The following FRYL variants were observed in gnomAD, a reference collection of about 807,000 sequenced individuals.
FRYL encodes FRY like transcription coactivator, also known as protein furry homolog-like.
Under a neutral mutation model 351.2 loss-of-function variants are expected in FRYL, and 150 were observed. That is an observed-to-expected ratio of 0.43 (90% CI 0.37 to 0.49). FRYL has a LOEUF of 0.49. Ranked by LOEUF, FRYL falls within the 20% of genes least tolerant of loss-of-function variation. The probability of loss-of-function intolerance (pLI) is 0.00; values close to 1 mark genes in which losing one functional copy is unlikely to be tolerated. For synonymous variants in FRYL, 1,153 were observed against 1,257.1 expected, an observed-to-expected ratio of 0.92 and a Z score of 1.75; for missense variants, 3,036 against 3,619.3, an observed-to-expected ratio of 0.84 and a Z score of 4.13.
chr4:48,521,069 A>AT lies in FRYL; in HGVS notation c.7667dup (p.Asn2556LysfsTer3), dbSNP rs777872803. On this transcript the variant is annotated frameshift_variant, in exon 55 of 64. Coordinates refer to ENST00000358350, the MANE Select transcript of FRYL (RefSeq NM_015030.2). LOFTEE classifies it high-confidence loss of function. ...CCACCTCAGGCAGCCGGCTGTTAGC[A>AT]TTATCTAGAGAAGCCTCCAAAGTTG... 6.2e-7 allele frequency: 1 copy of AT among 1,612,456 alleles called. No homozygotes were observed. The highest frequency in any genetic ancestry group is 8.5e-7 in the Non-Finnish European group (1 of 1,179,242).
intron 40 of FRYL, 75 bp downstream of exon 40, chr4:48,548,615 C>A (rs1731963673): frequency 3.7e-6 from 3 of 814,260 alleles, no homozygotes; most frequent in Non-Finnish European, 6.1e-6. Context: ...CACATAAAAA[C>A]TGTCATAAAA....
chr4:48,704,702 A>G (rs1767121568), intron 2 of FRYL, among the ~76,000 whole-genome samples: 1 of 152,104 alleles, frequency 6.6e-6, no homozygotes, highest in Non-Finnish European at 1.5e-5. Flanking sequence ...TAATCCCAGC[A>G]CTTTGGGAGG....
At chr4:48,734,223 T>G (rs1175837126) in intron 1 of FRYL, among the ~76,000 whole-genome samples, 1 of 152,164 alleles carries the variant, frequency 6.6e-6, no homozygotes, top group Non-Finnish European at 1.5e-5. Flanking sequence ...GAAAGAGATG[T>G]CATGCTAACA....
intron 41 of FRYL, chr4:48,546,483 T>C (rs1731357149): frequency 1.8e-6 from 1 of 570,016 alleles, no homozygotes; most frequent in Admixed American, 3.1e-5. Context: ...GCTTGAAAAC[T>C]TAGCAATTTG....
chr4:48,702,811 T>A (rs915613155), intron 2 of FRYL, among the ~76,000 whole-genome samples: 1 of 151,934 alleles, frequency 6.6e-6, no homozygotes, highest in Admixed American at 6.6e-5. Context: ...CATAATTTCT[T>A]TGTACTCCAA....
chr4:48,610,733 C>T (rs1373680609), intron 7 of FRYL, among the ~76,000 whole-genome samples: 1 of 142,156 alleles, frequency 7.0e-6, no homozygotes, highest in Non-Finnish European at 1.5e-5. Context: ...ATATTATATA[C>T]ATGTATTATA....
intron 3 of FRYL, among the ~76,000 whole-genome samples, chr4:48,665,405 T>C (rs114909025): frequency 2.0e-5 from 3 of 152,296 alleles, no homozygotes; most frequent in African/African-American, 7.2e-5. Flanking sequence ...CTCAAGCTCC[T>C]TTGAAATAGA....
intron 1 of FRYL, among the ~76,000 whole-genome samples, chr4:48,775,975 A>G (rs1172444658): frequency 3.8e-4 from 57 of 151,946 alleles, no homozygotes; most frequent in Admixed American, 3.7e-3. Flanking sequence ...CCCACTCCCA[A>G]TAAATGTAAT....
intron 1 of FRYL, among the ~76,000 whole-genome samples, chr4:48,728,026 C>A (rs1578850219): frequency 6.6e-6 from 1 of 152,302 alleles, no homozygotes; most frequent in African/African-American, 2.4e-5. Flanking sequence ...TTCCTCCACA[C>A]CTTGCCACCA....
At chr4:48,527,913 T>C (rs570407195) in intron 52 of FRYL, 58 bp downstream of exon 52, 2 of 1,308,080 alleles carry the variant, frequency 1.5e-6, no homozygotes, top group East Asian at 4.7e-5. Flanking sequence ...GACAGATCAT[T>C]TCTTCAAGGA....
At chr4:48,659,918 G>GAGAAGAAGAAGAAGAAGAAGA (rs1249228163) in intron 3 of FRYL, among the ~76,000 whole-genome samples, 23 of 794 alleles carry the variant, frequency 0.029, 8 homozygotes, top group Admixed American at 0.062. Context: ...GAAGGAGAAG[G>GAGAAGAAGAAGAAGAAGAAGA]AGAAGAAGAA....
intron 59 of FRYL, among the ~76,000 whole-genome samples, chr4:48,507,534 A>G (rs199773142): frequency 1.9e-4 from 2 of 10,654 alleles, no homozygotes; most frequent in African/African-American, 4.9e-4. Flanking sequence ...ACTCAAACAA[A>G]CAGTTAGTTA....
chr4:48,680,223 T>C (rs1453444469), intron 3 of FRYL, among the ~76,000 whole-genome samples: 1 of 152,028 alleles, frequency 6.6e-6, no homozygotes, highest in East Asian at 1.9e-4. Context: ...AGCATATTAA[T>C]TTATAGGTAC....
At chr4:48,608,835 T>G in intron 9 of FRYL, 152 bp downstream of exon 9, 6 of 613,092 alleles carry the variant, frequency 9.8e-6, no homozygotes, top group Non-Finnish European at 1.5e-5. Flanking sequence ...AAAGAGCTTC[T>G]GAGAAACAGA....
chr4:48,547,657 GAGA>G lies in FRYL; in HGVS notation c.4998_5000del (p.Leu1667del), dbSNP rs776615697. 1.2e-5 allele frequency: 20 copies of G among 1,607,562 alleles called. No homozygotes were observed. In the East Asian group the frequency reaches 4.2e-4, roughly 34 times the overall value. ...TGGGCTCATTAAACTCCTTGTTCCTGAGAAGGACAGAAGCAACAGTTCGGATGT... is the reference window on the plus strand; with the variant it reads ...TGGGCTCATTAAACTCCTTGTTCCTGAGGACAGAAGCAACAGTTCGGATGT... On this transcript the variant is annotated inframe_deletion, in exon 41 of 64. Transcript: ENST00000358350.
At chr4:48,726,515 C>T (rs1770106648) in intron 1 of FRYL, among the ~76,000 whole-genome samples, 1 of 152,108 alleles carries the variant, frequency 6.6e-6, no homozygotes, top group East Asian at 1.9e-4. Flanking sequence ...AACCCTGTCT[C>T]TACTAAAAAT....
chr4:48,565,694 G>A lies in FRYL; in HGVS notation c.3170-3C>T. 3.1e-6 allele frequency: 5 copies of A among 1,600,828 alleles called. No homozygotes were observed. The highest frequency in any genetic ancestry group is 3.4e-6 in the Non-Finnish European group (4 of 1,176,588). ...AAAAATACTTCTTCTCTGGTGCACT[G>A]TGAATAAAAAAAGATAGAAAACATT... On this transcript the variant is annotated splice_region_variant and splice_polypyrimidine_tract_variant and intron_variant, in intron 28 of 63. Transcript: ENST00000358350.
intron 1 of FRYL, among the ~76,000 whole-genome samples, chr4:48,749,169 G>A (rs1772988171): frequency 6.6e-6 from 1 of 152,228 alleles, no homozygotes. Context: ...CTGCAGGGCG[G>A]AGAGCAGGTA....
In FRYL at chr4:48,755,556, C is replaced by T. The variant is rs574661144; in HGVS notation, c.-384+24522G>A. Among the ~76,000 whole-genome samples the T allele has an allele frequency of 1.2e-4, 19 of 152,312 alleles. No individual in the cohort carries two copies. In the South Asian group the frequency reaches 3.3e-3, roughly 27 times the overall value. On this transcript the variant is annotated intron_variant, in intron 1 of 63. Transcript: ENST00000358350. Reference sequence around the variant, plus strand: ...TTGTCAGAGAGAAACGTTGCAAAATCTCCAGCTGAAATCCAGTTATACTGT... The same window carrying T: ...TTGTCAGAGAGAAACGTTGCAAAATTTCCAGCTGAAATCCAGTTATACTGT...
Sources: allele counts gnomAD v4.1 joint callset (sites outside exome capture counted in the v4.1 genomes callset), GRCh38; gene constraint gnomAD v4.1.1; transcripts MANE v1.5; gene names NCBI Gene and HGNC (gene_info 2026-07-23, HGNC 2026-07-21).